The following MCTP2 variants were observed in gnomAD, a reference collection of about 807,000 sequenced individuals.
MCTP2 encodes the protein multiple C2 and transmembrane domain-containing protein 2.
In MCTP2, 132 loss-of-function variants were observed where a neutral mutation model predicts 111.6. The observed-to-expected ratio is 1.18, with a 90% CI of 1.03 to 1.37. The LOEUF is 1.37. Ranked by LOEUF, MCTP2 falls within the 40% of genes most tolerant of loss-of-function variation. MCTP2 has a pLI of 0.00. For synonymous variants in MCTP2, 395 were observed against 387.7 expected (o/e 1.02, Z -0.22); for missense variants, 1,183 against 1,067.9 (o/e 1.11, Z -1.50).
chr15:94,290,151 C>G (rs2074966970), intron 1 of MCTP2, among the ~76,000 whole-genome samples: 1 of 149,972 alleles, frequency 6.7e-6, no homozygotes, highest in African/African-American at 2.5e-5. Context: ...ACTAGAGCCT[C>G]CAAAAAAAAA....
chr15:94,302,057 A>G (rs1396931337), intron 2 of MCTP2, among the ~76,000 whole-genome samples: 3 of 152,198 alleles, frequency 2.0e-5, no homozygotes, highest in Non-Finnish European at 2.9e-5. Context: ...ATTTTTGTCC[A>G]GTGTTCTCAG....
intron 19 of MCTP2, among the ~76,000 whole-genome samples, chr15:94,450,479 C>G (rs2084377222): frequency 6.6e-6 from 1 of 152,172 alleles, no homozygotes; most frequent in South Asian, 2.1e-4. Flanking sequence ...TTTCATGTAT[C>G]AGAAATATTG....
In MCTP2 at chr15:94,350,024, A is replaced by C. The variant is rs1467883529; in HGVS notation, c.1005+4860A>C. On this transcript the variant is annotated intron_variant, in intron 8 of 22. Transcript: ENST00000357742. ...TTAGAAATCCAACTTCCTGGCTCCC[A>C]TCTTAGACTTCTTCAATCAGCAACT... is the stretch of plus-strand genomic sequence containing the variant. Among the ~76,000 whole-genome samples, 16 of 152,132 alleles carry C rather than the reference A, an allele frequency of 1.1e-4. 1 individual carries two copies. Among genetic ancestry groups the C allele is most frequent in the Admixed American group, 7.9e-4 (12 of 15,280 alleles).
chr15:94,269,492 C>T lies in MCTP2; in HGVS notation c.-65-28709C>T, dbSNP rs183633586. 1.6e-3 allele frequency among the ~76,000 whole-genome samples: 238 copies of T among 152,168 alleles called. 2 individuals carry two copies. The highest frequency in any genetic ancestry group is 0.014 in the Admixed American group (213 of 15,292). On this transcript the variant is annotated intron_variant, in intron 1 of 22. Coordinates refer to ENST00000357742, the MANE Select transcript of MCTP2 (RefSeq NM_001385001.1). ...TGGAATCATATGTTTTCAATGATTG[C>T]CTTATGAAGATTATTGAAAACTGAT...
intron 14 of MCTP2, among the ~76,000 whole-genome samples, chr15:94,391,701 A>G (rs1263030902): frequency 1.3e-5 from 2 of 152,210 alleles, no homozygotes; most frequent in Non-Finnish European, 2.9e-5. Context: ...CAAATTTCCT[A>G]TTGGTTCTAG....
intron 1 of MCTP2, chr15:94,278,069 TATC>T (rs749669963): frequency 2.0e-5 from 3 of 152,086 alleles, no homozygotes; most frequent in African/African-American, 7.2e-5. Flanking sequence ...GAGATGAAAA[TATC>T]ATGAAGCTGT....
In MCTP2 at chr15:94,367,534, G is replaced by C; in HGVS notation, c.1302-71G>C. On this transcript the variant is annotated intron_variant, in intron 10 of 22. Coordinates refer to ENST00000357742, the MANE Select transcript of MCTP2 (RefSeq NM_001385001.1). ...TGGGGGATGATGAAATCAAAGCCAGGTGCTTTGGAGGTACTGCAGTGGCCT... is the reference window on the plus strand; with the variant it reads ...TGGGGGATGATGAAATCAAAGCCAGCTGCTTTGGAGGTACTGCAGTGGCCT... 6 of 1,193,650 alleles carry C rather than the reference G, an allele frequency of 5.0e-6. No homozygotes were observed. The South Asian group carries it at 8.6e-5, about 17-fold the overall frequency. The allele number at this position is 1,193,650 out of a possible 1,614,324, so 73.9% of individuals were successfully genotyped here.
At chr15:94,299,461 C>T (rs1197721909) in intron 2 of MCTP2, among the ~76,000 whole-genome samples, 1 of 152,110 alleles carries the variant, frequency 6.6e-6, no homozygotes, top group Non-Finnish European at 1.5e-5. Flanking sequence ...TATTTTATAC[C>T]TGTGTGTGCA....
chr15:94,371,935 A>G (rs1169101226), intron 12 of MCTP2, among the ~76,000 whole-genome samples: 2 of 152,222 alleles, frequency 1.3e-5, no homozygotes, highest in African/African-American at 2.4e-5. Context: ...ACTAGTTTTT[A>G]TAAAGATTGT....
chr15:94,283,304 G>A (rs1417182829), intron 1 of MCTP2, among the ~76,000 whole-genome samples: 4 of 152,234 alleles, frequency 2.6e-5, no homozygotes, highest in Admixed American at 1.3e-4. Context: ...TTGCTCTGTC[G>A]GGGTCCAGCA....
rs190453632 is a variant in MCTP2, at chr15:94,260,135, A to G, written c.-66+28471A>G. On this transcript the variant is annotated intron_variant, in intron 1 of 22. Coordinates refer to ENST00000357742, the MANE Select transcript of MCTP2 (RefSeq NM_001385001.1). The stretch of plus-strand genomic sequence containing the variant: ...TTGTCTTCTCACTTCTGTTTTCTCT[A>G]CCCAAGGAACCTTGAGTGCCTTTCC... Among the ~76,000 whole-genome samples the G allele has an allele frequency of 4.9e-4, 75 of 152,030 alleles. 1 individual carries two copies. The East Asian group carries it at 0.014, about 28-fold the overall frequency.
At chr15:94,355,419 A>G (rs2078562251) in intron 8 of MCTP2, among the ~76,000 whole-genome samples, 1 of 152,210 alleles carries the variant, frequency 6.6e-6, no homozygotes, top group African/African-American at 2.4e-5. Flanking sequence ...CTCTATTTAC[A>G]ACTTATAACA....
chr15:94,247,311 A>G (rs963642599), intron 1 of MCTP2, among the ~76,000 whole-genome samples: 1 of 152,054 alleles, frequency 6.6e-6, no homozygotes, highest in Admixed American at 6.6e-5. Flanking sequence ...TTAGTCCCCA[A>G]CATGCTGGGG....
chr15:94,417,848 G>C (rs1337963361), intron 17 of MCTP2, among the ~76,000 whole-genome samples: 1 of 152,084 alleles, frequency 6.6e-6, no homozygotes, highest in Non-Finnish European at 1.5e-5. Flanking sequence ...AATCACTATT[G>C]GAGGGTTCCT....
intron 1 of MCTP2, among the ~76,000 whole-genome samples, chr15:94,277,630 G>C (rs1386578491): frequency 1.3e-5 from 2 of 152,130 alleles, no homozygotes; most frequent in African/African-American, 4.8e-5. Context: ...GAACTATAGA[G>C]ACTATAATGC....
At chr15:94,333,230 T>G (rs1377063267) in intron 4 of MCTP2, among the ~76,000 whole-genome samples, 1 of 152,202 alleles carries the variant, frequency 6.6e-6, no homozygotes, top group Non-Finnish European at 1.5e-5. Flanking sequence ...AGAGCAAGTC[T>G]CCGTCTTGGA....
At chr15:94,234,426 G>C (rs147231903) in intron 1 of MCTP2, among the ~76,000 whole-genome samples, 1 of 152,242 alleles carries the variant, frequency 6.6e-6, no homozygotes, top group East Asian at 1.9e-4. Context: ...ATTGCAATCC[G>C]GCTTCCCCTC....
chr15:94,412,346 T>C (rs957528378), intron 17 of MCTP2, among the ~76,000 whole-genome samples: 2 of 152,170 alleles, frequency 1.3e-5, no homozygotes, highest in Non-Finnish European at 2.9e-5. Context: ...TAAAAATAGT[T>C]TGTGAGTCTG....
At chr15:94,318,421 T>C (rs1208730561) in intron 4 of MCTP2, among the ~76,000 whole-genome samples, 3 of 152,024 alleles carry the variant, frequency 2.0e-5, no homozygotes, top group East Asian at 3.9e-4. Flanking sequence ...ATAGCTGGGA[T>C]TACAGGCACG....
Sources: gnomAD v4.1 joint callset for allele counts (sites outside exome capture counted in the v4.1 genomes callset) on GRCh38, gnomAD v4.1.1 for gene constraint, MANE v1.5 for transcripts, NCBI Gene and HGNC (gene_info 2026-07-23, HGNC 2026-07-21) for gene names.